Variants in UEVLD observed in about 807,000 individuals in gnomAD.
The protein encoded by UEVLD is UEV and lactate/malate dehyrogenase domains.
In UEVLD, 47 loss-of-function variants were observed where a neutral mutation model predicts 58.6. The ratio of observed to expected loss-of-function variants is 0.80; its 90% CI spans 0.63 to 1.02. The LOEUF is 1.02. Ranked by LOEUF, UEVLD falls within the 50% of genes least tolerant of loss-of-function variation. The probability of loss-of-function intolerance (pLI) is 0.00; values close to 1 mark genes in which losing one functional copy is unlikely to be tolerated. For synonymous variants in UEVLD, 197 were observed against 195.3 expected, an observed-to-expected ratio of 1.01 and a Z score of -0.07; for missense variants, 510 against 550.6, an observed-to-expected ratio of 0.93 and a Z score of 0.74.
intron 4 of UEVLD, among the ~76,000 whole-genome samples, chr11:18,567,282 A>C (rs922533184): frequency 6.6e-6 from 1 of 152,236 alleles, no homozygotes; most frequent in South Asian, 2.1e-4. Flanking sequence ...ATACAAAGTG[A>C]ATAATAAATC....
At chr11:18,534,532 T>TTAATTAATTAAGGTAA in intron 10 of UEVLD, 79 bp from the exon 11 acceptor site, 1 of 1,430,928 alleles carries the variant, frequency 7.0e-7, no homozygotes, top group Non-Finnish European at 9.3e-7. Context: ...AAGGTATTAA[T>TTAATTAATTAAGGTAA]TAGATGTTTC....
chr11:18,554,344 G>A (rs1034873378), intron 7 of UEVLD, among the ~76,000 whole-genome samples: 5 of 150,310 alleles, frequency 3.3e-5, no homozygotes, highest in South Asian at 4.2e-4. Context: ...CTCCCGCCTC[G>A]GCCTCCCAAA....
intron 7 of UEVLD, among the ~76,000 whole-genome samples, chr11:18,556,812 G>GC (rs1851774258): frequency 6.6e-6 from 1 of 152,010 alleles, no homozygotes; most frequent in Non-Finnish European, 1.5e-5. Context: ...ATGAGATAGG[G>GC]CAGGGTGCGG....
intron 10 of UEVLD, 69 bp downstream of exon 10, chr11:18,536,337 A>G (rs974137226): frequency 2.1e-6 from 3 of 1,400,622 alleles, no homozygotes; most frequent in Non-Finnish European, 3.0e-6. Flanking sequence ...TACATACTGT[A>G]TAAATAGCTG....
At chr11:18,553,311 G>A (rs1158652743) in intron 7 of UEVLD, among the ~76,000 whole-genome samples, 2 of 150,002 alleles carry the variant, frequency 1.3e-5, no homozygotes, top group African/African-American at 2.5e-5. Context: ...GTGCATCAGA[G>A]CAAGACTCTG....
intron 7 of UEVLD, among the ~76,000 whole-genome samples, chr11:18,551,131 GT>G: frequency 6.6e-6 from 1 of 152,180 alleles, no homozygotes. Context: ...AAATTACAAG[GT>G]TAAGGATCAG....
At chr11:18,552,068 G>A (rs1489128492) in intron 7 of UEVLD, among the ~76,000 whole-genome samples, 1 of 152,052 alleles carries the variant, frequency 6.6e-6, no homozygotes, top group African/African-American at 2.4e-5. Context: ...ATATACTGAA[G>A]ACACTACACA....
chr11:18,541,513 G>C (rs1158789398), intron 9 of UEVLD, among the ~76,000 whole-genome samples: 1 of 152,176 alleles, frequency 6.6e-6, no homozygotes, highest in Non-Finnish European at 1.5e-5. Flanking sequence ...TTTCCAGTGT[G>C]AATGTACTAC....
intron 9 of UEVLD, among the ~76,000 whole-genome samples, chr11:18,537,962 T>G (rs549642447): frequency 6.6e-6 from 1 of 152,292 alleles, no homozygotes; most frequent in African/African-American, 2.4e-5. Context: ...TGAGCCGAAC[T>G]GCACTTTAAT....
chr11:18,538,352 C>T (rs1252086259), intron 9 of UEVLD, among the ~76,000 whole-genome samples: 1 of 151,372 alleles, frequency 6.6e-6, no homozygotes, highest in East Asian at 2.0e-4. Context: ...TCTCGGCTCA[C>T]TGCAACCTCC....
rs567301090 is a variant in UEVLD at position 18,560,849 on chromosome 11, A to C, written c.613-2519T>G. Among the ~76,000 whole-genome samples, 5 of 152,180 alleles carry C rather than the reference A, an allele frequency of 3.3e-5. No individual in the cohort carries two copies. In the South Asian group the frequency reaches 6.2e-4, roughly 19 times the overall value. ...AACATGGTGAAACCCTGTCTCTCCC[A>C]AAAATACAAAAATTAGCCGGGCCTG... is the stretch of plus-strand genomic sequence containing the variant. On this transcript the variant is annotated intron_variant, in intron 6 of 11. Transcript: ENST00000396197.
At chr11:18,557,342 T>G (rs945125660) in intron 7 of UEVLD, among the ~76,000 whole-genome samples, 1 of 151,384 alleles carries the variant, frequency 6.6e-6, no homozygotes, top group African/African-American at 2.4e-5. Context: ...TTAGTAGAGA[T>G]GGGGTTTCAC....
Position 18,530,008 on chromosome 11 carries a change from TTAAA to T in UEVLD, c.*2308_*2311del, listed in dbSNP as rs1850504006. 1.3e-5 allele frequency: 2 copies of T among 152,228 alleles called. No homozygotes were observed. Among genetic ancestry groups the T allele is most frequent in the African/African-American group, 4.8e-5 (2 of 41,464 alleles). 9.4% of individuals were successfully genotyped at this position (152,228 alleles called of 1,614,324 possible). A position where few individuals can be genotyped will look rare whatever the true frequency, so the allele number is the denominator to read the frequency against. ...ACAGTATTTGGAGTAACAGTAGGTGTTAAATAAACATTTGTTGTATTGACATGTT... is the reference window on the plus strand; with the variant it reads ...ACAGTATTTGGAGTAACAGTAGGTGTTAAACATTTGTTGTATTGACATGTT... On this transcript the variant is annotated 3_prime_UTR_variant, in exon 12 of 12. Transcript: ENST00000396197.
At chr11:18,573,562 C>T (rs1038451062) in intron 3 of UEVLD, among the ~76,000 whole-genome samples, 1 of 152,226 alleles carries the variant, frequency 6.6e-6, no homozygotes, top group Non-Finnish European at 1.5e-5. Context: ...TATGCCTGTT[C>T]TGCCTACTTC....
Position 18,544,646 on chromosome 11 carries a change from A to G in UEVLD, c.1037T>C (p.Ile346Thr), listed in dbSNP as rs1851211165. 16 of 1,595,412 alleles carry G rather than the reference A, an allele frequency of 1.0e-5. No homozygotes were observed. The highest frequency in any genetic ancestry group is 1.4e-5 in the Non-Finnish European group (16 of 1,173,750). ...ACCTTTGTCTTCTCCTTGCTCGCCA[A>G]TAACCCATACTTCTTTGCCTGAAGT... ...AQTSGKEVWV[I>T]GEQGEDKVLT... Residue 346 changes from isoleucine to threonine, a missense_variant, in exon 9 of 12, where the codon ATT (isoleucine) becomes ACT (threonine). Transcript: ENST00000396197.
chr11:18,585,694 G>A (rs938657395), intron 1 of UEVLD, among the ~76,000 whole-genome samples: 4 of 151,478 alleles, frequency 2.6e-5, no homozygotes, highest in Admixed American at 1.3e-4. Context: ...CTGGGGTGCA[G>A]TGGCGCATTC....
At chr11:18,572,804 C>CAAAAA (rs11394988) in intron 3 of UEVLD, among the ~76,000 whole-genome samples, 1 of 103,120 alleles carries the variant, frequency 9.7e-6, no homozygotes, top group Non-Finnish European at 1.8e-5. Context: ...AACTCCATCT[C>CAAAAA]AAAAAAAAAA....
At chr11:18,573,114 GA>G (rs1852714078) in intron 3 of UEVLD, among the ~76,000 whole-genome samples, 1 of 152,202 alleles carries the variant, frequency 6.6e-6, no homozygotes, top group Non-Finnish European at 1.5e-5. Context: ...CCCAGCATAA[GA>G]ATCAATGACA....
chr11:18,561,008 C>CA (rs5790040), intron 6 of UEVLD, among the ~76,000 whole-genome samples: 1,682 of 143,798 alleles, frequency 0.012, 10 homozygotes, highest in Non-Finnish European at 0.017. Context: ...GACTCCATCT[C>CA]AAAAAAAAAA....
Sources: gnomAD v4.1 joint callset for allele counts (sites outside exome capture counted in the v4.1 genomes callset) on GRCh38, gnomAD v4.1.1 for gene constraint, MANE v1.5 for transcripts, NCBI Gene and HGNC (gene_info 2026-07-23, HGNC 2026-07-21) for gene names.